ENO4: variants seen among roughly 807,000 people sequenced by gnomAD.
The protein encoded by ENO4 is 2-phospho-D-glycerate hydro-lyase.
Under a neutral mutation model 63.2 loss-of-function variants are expected in ENO4, and 53 were observed. The ratio of observed to expected loss-of-function variants is 0.84; its 90% confidence interval spans 0.67 to 1.05. The LOEUF is 1.05. Ranked by LOEUF, ENO4 falls within the 50% of genes least tolerant of loss-of-function variation. ENO4 has a pLI of 0.00. For synonymous variants in ENO4, 266 were observed against 283.8 expected (o/e 0.94, Z 0.63); for missense variants, 719 against 772.0 (o/e 0.93, Z 0.81).
At chr10:116,854,286 G>C (rs769577646) in intron 1 of ENO4, among the ~76,000 whole-genome samples, 13 of 152,140 alleles carry the variant, frequency 8.5e-5, no homozygotes, top group Admixed American at 2.0e-4. Context: ...TGTGCCGGGC[G>C]CGGTGGCTCA....
At chr10:116,868,751 A>G (rs1454609983) in intron 8 of ENO4, 45 bp downstream of exon 8, 4 of 1,497,832 alleles carry the variant, frequency 2.7e-6, no homozygotes, top group Admixed American at 3.9e-5. Context: ...GACACTGTCT[A>G]TAAATTTCCT....
rs193006104 is a variant in ENO4, at chr10:116,859,824, A to G, written c.634+686A>G. Among the ~76,000 whole-genome samples the G allele has an allele frequency of 4.3e-3, 649 of 152,282 alleles. 3 individuals are homozygous for G. The highest frequency in any genetic ancestry group is 0.015 in the African/African-American group (628 of 41,564). On this transcript the variant is annotated intron_variant, in intron 4 of 13. Transcript: ENST00000341276. ...CCAAATAATGTGGGTTCCATTGAGT[A>G]AGAAAGCACCAGAACCAGGAAGGGA...
chr10:116,883,659 G>GTAC (rs1352362164), downstream of ENO4: 1 of 153,528 alleles, frequency 6.5e-6, no homozygotes, highest in African/African-American at 2.4e-5. Flanking sequence ...ATTGTTACCT[G>GTAC]TACTACTCCA....
intron 4 of ENO4, 94 bp from the exon 5 acceptor site, chr10:116,860,700 G>A: frequency 1.0e-6 from 1 of 975,676 alleles, no homozygotes; most frequent in Non-Finnish European, 1.4e-6. Context: ...GTTGTTCCCA[G>A]CCTCGGCTTT....
chr10:116,861,632 C>G (rs763576846), intron 6 of ENO4, among the ~76,000 whole-genome samples: 2 of 152,150 alleles, frequency 1.3e-5, no homozygotes, highest in Non-Finnish European at 2.9e-5. Context: ...GAATAAATCT[C>G]AAGTTGCAGG....
chr10:116,911,194 T>C (rs556537359), intron 10 of ENO4, among the ~76,000 whole-genome samples: 1 of 152,272 alleles, frequency 6.6e-6, no homozygotes, highest in Non-Finnish European at 1.5e-5. Context: ...GCTGATTCCA[T>C]TGGCAAAAGC....
At chr10:116,861,037 C>G in intron 5 of ENO4, 22 bp from the exon 6 acceptor site, 1 of 1,543,310 alleles carries the variant, frequency 6.5e-7, no homozygotes, top group Non-Finnish European at 8.8e-7. Flanking sequence ...TCTCATTTTC[C>G]CTCGTTTTCC....
rs1038949938 is a variant in ENO4, at chr10:116,876,978, T to G, written c.1537+718T>G. On this transcript the variant is annotated intron_variant, in intron 11 of 13. Transcript: ENST00000341276. ...TTAATTAATTAATTAATTAATTAAT[T>G]TACAGAAACCATAGAGGTACCCCAA... 3.3e-5 allele frequency among the ~76,000 whole-genome samples: 5 copies of G among 151,432 alleles called. No individual in the cohort carries two copies. The East Asian group carries it at 9.7e-4, about 29-fold the overall frequency.
At chr10:116,906,336 G>A (rs1195561557) in intron 10 of ENO4, among the ~76,000 whole-genome samples, 2 of 152,178 alleles carry the variant, frequency 1.3e-5, no homozygotes, top group African/African-American at 4.8e-5. Context: ...ATGCTATATT[G>A]TTGCCGAATC....
intron 1 of ENO4, among the ~76,000 whole-genome samples, chr10:116,852,871 G>A (rs1846127710): frequency 6.6e-6 from 1 of 152,164 alleles, no homozygotes; most frequent in Non-Finnish European, 1.5e-5. Context: ...GCCTCCAGAT[G>A]ATTACATCTG....
At chr10:116,886,249 A>G (rs1339197760), downstream of ENO4, 11 of 1,497,494 alleles carry the variant, frequency 7.3e-6, no homozygotes, top group East Asian at 2.2e-4. Flanking sequence ...TACAGTGACC[A>G]GAGCAGAATG....
In ENO4 at chr10:116,868,745, C is replaced by G. The variant is rs904108604; in HGVS notation, c.1047+39C>G. 3 of 1,514,282 alleles carry G rather than the reference C, an allele frequency of 2.0e-6. No individual in the cohort carries two copies. In the East Asian group the frequency reaches 7.4e-5, roughly 37 times the overall value. The allele number at this position is 1,514,282 out of a possible 1,614,324, so 93.8% of individuals were successfully genotyped here. A position where few individuals can be genotyped will look rare whatever the true frequency, so the allele number is the denominator to read the frequency against. On this transcript the variant is annotated intron_variant, in intron 8 of 13. Transcript: ENST00000341276. Reference sequence around the variant, plus strand: ...TTGTTTACCATCCTTCCATATGACACTGTCTATAAATTTCCTGCCCCTTTT... The same window carrying G: ...TTGTTTACCATCCTTCCATATGACAGTGTCTATAAATTTCCTGCCCCTTTT...
At chr10:116,903,623 T>C (rs1273615054) in intron 10 of ENO4, among the ~76,000 whole-genome samples, 1 of 152,200 alleles carries the variant, frequency 6.6e-6, no homozygotes, top group African/African-American at 2.4e-5. Context: ...GAAAGATCAA[T>C]TAATTTTAGA....
intron 1 of ENO4, among the ~76,000 whole-genome samples, chr10:116,852,078 G>C (rs1846105827): frequency 1.3e-5 from 2 of 152,108 alleles, no homozygotes; most frequent in African/African-American, 4.8e-5. Flanking sequence ...CTCTCATGCT[G>C]TTCTCGTGAT....
rs1419601577 is a variant in ENO4, at chr10:116,858,206, CT to C, written c.486-780del. On this transcript the variant is annotated intron_variant, in intron 3 of 13. Coordinates refer to ENST00000341276, the MANE Select transcript of ENO4 (RefSeq NM_001242699.2). ...TTCTCCTGTTTTTGGAACCCACATT[CT>C]TTTCTTTCATGATTTGCTGGATTGT... is the stretch of plus-strand genomic sequence containing the variant. 2.0e-5 allele frequency among the ~76,000 whole-genome samples: 3 copies of C among 152,082 alleles called. No individual in the cohort carries two copies. In the East Asian group the frequency reaches 5.8e-4, roughly 29 times the overall value.
At chr10:116,856,710 A>T in intron 3 of ENO4, 28 bp downstream of exon 3, 1 of 1,486,420 alleles carries the variant, frequency 6.7e-7, no homozygotes, top group South Asian at 1.3e-5. Flanking sequence ...AAATATAAAC[A>T]TCAAGTACAA....
chr10:116,855,160 G>T (rs933116691), intron 1 of ENO4, among the ~76,000 whole-genome samples: 12 of 151,790 alleles, frequency 7.9e-5, no homozygotes, highest in African/African-American at 2.7e-4. Flanking sequence ...GAGCATGATG[G>T]CGCACGCCTG....
chr10:116,910,363 G>T (rs1848141598), intron 10 of ENO4, among the ~76,000 whole-genome samples: 1 of 152,148 alleles, frequency 6.6e-6, no homozygotes, highest in South Asian at 2.1e-4. Context: ...AAGGATGGGG[G>T]CAATTTGCCC....
chr10:116,905,058 G>A (rs947885114), intron 10 of ENO4, among the ~76,000 whole-genome samples: 8 of 151,582 alleles, frequency 5.3e-5, no homozygotes, highest in Non-Finnish European at 7.4e-5. Context: ...AAAATTAGCC[G>A]GGCGCGGTGG....
Sources: allele counts gnomAD v4.1 joint callset (sites outside exome capture counted in the v4.1 genomes callset), GRCh38; gene constraint gnomAD v4.1.1; transcripts MANE v1.5; gene names NCBI Gene and HGNC (gene_info 2026-07-23, HGNC 2026-07-21).